Variants in NINL observed in about 807,000 individuals in gnomAD.
The protein encoded by NINL is ninein-like protein.
NINL carries 153 observed loss-of-function variants against 160.3 expected under a neutral mutation model. The observed-to-expected ratio is 0.95, with a 90% CI of 0.84 to 1.09. The LOEUF is 1.09. Ranked by LOEUF, NINL falls within the 50% of genes least tolerant of loss-of-function variation. The pLI, the probability that NINL is intolerant of heterozygous loss-of-function variation, is 0.00. For missense variants in NINL, 1,829 were observed against 1,764.0 expected, an observed-to-expected ratio of 1.04 and a Z score of -0.66; for synonymous variants, 800 against 734.8, an observed-to-expected ratio of 1.09 and a Z score of -1.43.
intron 14 of NINL, among the ~76,000 whole-genome samples, chr20:25,480,516 T>A (rs2063364873): frequency 2.0e-5 from 3 of 152,172 alleles, no homozygotes; most frequent in Admixed American, 2.0e-4. Flanking sequence ...CCCTAAAATA[T>A]GCTGTGCTAT....
intron 8 of NINL, among the ~76,000 whole-genome samples, chr20:25,499,497 G>C (rs2063825089): frequency 6.6e-6 from 1 of 152,034 alleles, no homozygotes; most frequent in African/African-American, 2.4e-5. Flanking sequence ...GCACCCCCAG[G>C]GCTGTGGAGT....
intron 1 of NINL, among the ~76,000 whole-genome samples, chr20:25,555,016 A>G (rs1277514815): frequency 1.3e-5 from 2 of 152,144 alleles, no homozygotes; most frequent in Non-Finnish European, 2.9e-5. Context: ...CTACAGAGAA[A>G]TAGCCATCAG....
At chr20:25,473,677 C>CAT (rs1490335299) in intron 17 of NINL, among the ~76,000 whole-genome samples, 618 of 24,144 alleles carry the variant, frequency 0.026, 8 homozygotes, top group South Asian at 0.089. Context: ...TACACACATA[C>CAT]ACACACACAC....
At chr20:25,509,664 A>G in intron 5 of NINL, 1 of 456,574 alleles carries the variant, frequency 2.2e-6, no homozygotes, top group Non-Finnish European at 4.4e-6. Context: ...ATCCTCTCAC[A>G]CCCACCTTTC....
intron 1 of NINL, among the ~76,000 whole-genome samples, chr20:25,560,863 T>C (rs1339718239): frequency 1.3e-5 from 2 of 151,636 alleles, no homozygotes; most frequent in African/African-American, 4.9e-5. Flanking sequence ...TTTCACGAAT[T>C]AAGGTGAAAG....
chr20:25,573,544 T>A (rs2065079480), intron 1 of NINL, among the ~76,000 whole-genome samples: 1 of 152,194 alleles, frequency 6.6e-6, no homozygotes, highest in Admixed American at 6.5e-5. Flanking sequence ...TTCTAAAGAA[T>A]GAGCCTGCTG....
chr20:25,580,144 A>G (rs2065157070), intron 1 of NINL, among the ~76,000 whole-genome samples: 1 of 152,124 alleles, frequency 6.6e-6, no homozygotes, highest in Non-Finnish European at 1.5e-5. Context: ...ACCAGCGTAG[A>G]CAACGTGGTG....
intron 13 of NINL, among the ~76,000 whole-genome samples, chr20:25,482,539 T>C (rs1471109290): frequency 2.0e-5 from 3 of 151,906 alleles, no homozygotes; most frequent in East Asian, 2.0e-4. Flanking sequence ...TTAGTAGAGA[T>C]GGGGTTTCAC....
intron 1 of NINL, among the ~76,000 whole-genome samples, chr20:25,573,364 A>G (rs2065077355): frequency 6.6e-6 from 1 of 152,146 alleles, no homozygotes; most frequent in Non-Finnish European, 1.5e-5. Flanking sequence ...AAATCCTAAG[A>G]ACAGTCTACC....
At chr20:25,535,418 A>G (rs1048356597) in intron 1 of NINL, among the ~76,000 whole-genome samples, 1 of 152,214 alleles carries the variant, frequency 6.6e-6, no homozygotes, top group African/African-American at 2.4e-5. Flanking sequence ...TGTCACCACA[A>G]AAAGTATTAA....
Position 25,512,957 on chromosome 20 carries a change from A to G in NINL, c.327T>C (p.Tyr109=). ...PPKYVNGSKW[Y]GRRSRPELCD... ...ATAGCTCAGGCCGGCTCCGACGGCCATACCACTTAGAACCATTCACATACT... is the reference window on the plus strand; with the variant it reads ...ATAGCTCAGGCCGGCTCCGACGGCCGTACCACTTAGAACCATTCACATACT... Residue 109 remains tyrosine (Y), a synonymous_variant, in exon 4 of 24, where the codon TAT becomes TAC. Transcript: ENST00000278886. The G allele has an allele frequency of 2.5e-6, 4 of 1,614,056 alleles. No homozygotes were observed. The highest frequency in any genetic ancestry group is 3.4e-6 in the Non-Finnish European group (4 of 1,179,908).
At chr20:25,524,904 A>AT (rs2064328883) in intron 2 of NINL, among the ~76,000 whole-genome samples, 5 of 145,456 alleles carry the variant, frequency 3.4e-5, no homozygotes, top group Admixed American at 6.9e-5. Context: ...CTCAAATTAA[A>AT]ATATATATAT....
rs559354569 is a variant in NINL, at chr20:25,498,907, C to T, written c.1033-561G>A. 5.2e-4 allele frequency: 514 copies of T among 985,188 alleles called. 2 individuals are homozygous for T. The highest frequency in any genetic ancestry group is 4.9e-4 in the Non-Finnish European group (407 of 829,826). The allele number at this position is 985,188 out of a possible 1,614,324, so 61.0% of individuals were successfully genotyped here. A position where few individuals can be genotyped will look rare whatever the true frequency, so the allele number is the denominator to read the frequency against. On this transcript the variant is annotated intron_variant, in intron 8 of 23. Transcript: ENST00000278886. The stretch of plus-strand genomic sequence containing the variant: ...AATAAACTTCAAAGCACAGAACAGC[C>T]GGCATTTTACTGAAACAACAAAAAA...
At chr20:25,567,493 C>T (rs1251529273) in intron 1 of NINL, among the ~76,000 whole-genome samples, 1 of 152,114 alleles carries the variant, frequency 6.6e-6, no homozygotes, top group East Asian at 1.9e-4. Flanking sequence ...AGACCTAGAC[C>T]TATCATATTC....
At position 25,482,107 on chromosome 20, in the gene NINL, G is replaced by C. The variant is rs202041573; in HGVS notation, c.1678-7C>G. On this transcript the variant is annotated splice_region_variant and splice_polypyrimidine_tract_variant and intron_variant, in intron 13 of 23. Coordinates refer to ENST00000278886, the MANE Select transcript of NINL (RefSeq NM_025176.6). ...CGTTGCGGTCCTGCAGGTCCTGTGG[G>C]GACAGAGCCAGCCACCTCCTCTAGC... The C allele has an allele frequency of 8.8e-6, 14 of 1,592,338 alleles. No individual in the cohort carries two copies. The East Asian group carries it at 1.6e-4, about 18-fold the overall frequency.
intron 17 of NINL, 115 bp from the exon 18 acceptor site, chr20:25,470,210 G>A (rs2063062662): frequency 1.3e-6 from 1 of 768,078 alleles, no homozygotes; most frequent in Non-Finnish European, 2.3e-6. Context: ...CCCCGTCCCT[G>A]GAGGTGGCGC....
chr20:25,583,968 A>G (rs1055092491), intron 1 of NINL, among the ~76,000 whole-genome samples: 4 of 152,068 alleles, frequency 2.6e-5, no homozygotes, highest in Non-Finnish European at 5.9e-5. Context: ...CACCTCACAC[A>G]TCGGGACCTG....
intron 13 of NINL, among the ~76,000 whole-genome samples, chr20:25,483,283 G>A (rs978454761): frequency 2.0e-5 from 3 of 151,670 alleles, no homozygotes; most frequent in East Asian, 1.9e-4. Flanking sequence ...GCAGTGAGCC[G>A]AGATTGTGCC....
chr20:25,564,483 A>C (rs1479177677), intron 1 of NINL, among the ~76,000 whole-genome samples: 1 of 151,820 alleles, frequency 6.6e-6, no homozygotes, highest in African/African-American at 2.4e-5. Flanking sequence ...AGGCCCAACT[A>C]ATTTTCATAT....
Sources: gnomAD v4.1 joint callset for allele counts (sites outside exome capture counted in the v4.1 genomes callset) on GRCh38, gnomAD v4.1.1 for gene constraint, MANE v1.5 for transcripts, NCBI Gene and HGNC (gene_info 2026-07-23, HGNC 2026-07-21) for gene names.